Variants in FTCDNL1 observed in about 807,000 individuals in gnomAD.
The protein encoded by FTCDNL1 is formiminotransferase cyclodeaminase N-terminal like.
In FTCDNL1, 11 loss-of-function variants were observed where a neutral mutation model predicts 5.9. That is an observed-to-expected ratio of 1.87 (90% confidence interval 1.18 to 3.10). The LOEUF (loss-of-function observed/expected upper bound fraction) is 3.10. Among genes scored for constraint, FTCDNL1 ranks in the 30% most tolerant of loss-of-function variants. The pLI is 0.00. For synonymous variants in FTCDNL1, 58 were observed against 24.8 expected (o/e 2.34, Z -3.99); for missense variants, 115 against 65.5 (o/e 1.76, Z -2.61).
At chr2:199,739,645 C>G in the FTCDNL1 span, among the ~76,000 whole-genome samples, 1 of 152,106 alleles carries the variant, frequency 6.6e-6, no homozygotes, top group African/African-American at 2.4e-5. Flanking sequence ...ACAATCAAAA[C>G]CAAACCAAAA....
At chr2:199,743,502 C>T in the FTCDNL1 span, among the ~76,000 whole-genome samples, 2 of 152,146 alleles carry the variant, frequency 1.3e-5, no homozygotes, top group African/African-American at 2.4e-5. Context: ...ATTCATTGAA[C>T]GTTTCTGCAC....
the FTCDNL1 span, among the ~76,000 whole-genome samples, chr2:199,743,613 C>T: frequency 5.3e-5 from 8 of 152,002 alleles, no homozygotes; most frequent in African/African-American, 9.7e-5. Context: ...GGCGTTTCTC[C>T]TGAGACTACA....
intron 3 of FTCDNL1, among the ~76,000 whole-genome samples, chr2:199,832,305 C>T (rs1354016825): frequency 6.6e-6 from 1 of 152,076 alleles, no homozygotes; most frequent in African/African-American, 2.4e-5. Flanking sequence ...GTGGTGCTTT[C>T]TAATAGCTTC....
chr2:199,725,077 C>CAT, the FTCDNL1 span, among the ~76,000 whole-genome samples: 6 of 151,986 alleles, frequency 3.9e-5, no homozygotes, highest in East Asian at 1.9e-4. Context: ...GTATTGGATG[C>CAT]ATATATATAT....
At chr2:199,829,192 AT>A (rs1053643404) in intron 3 of FTCDNL1, among the ~76,000 whole-genome samples, 66 of 151,986 alleles carry the variant, frequency 4.3e-4, no homozygotes, top group Middle Eastern at 3.4e-3. Context: ...TTTTTAGGTT[AT>A]TTTTTTCCCC....
chr2:199,769,446 T>C (rs957185101), intron 3 of FTCDNL1, among the ~76,000 whole-genome samples: 6 of 151,316 alleles, frequency 4.0e-5, no homozygotes, highest in Middle Eastern at 3.4e-3. Context: ...GACATGACTT[T>C]GCTCCTCATC....
the FTCDNL1 span, among the ~76,000 whole-genome samples, chr2:199,681,056 T>C: frequency 6.6e-6 from 1 of 152,204 alleles, no homozygotes; most frequent in East Asian, 1.9e-4. Flanking sequence ...AATTGCTTTG[T>C]TATTGAGAAT....
At chr2:199,823,925 T>C (rs925318891) in intron 3 of FTCDNL1, among the ~76,000 whole-genome samples, 9 of 152,240 alleles carry the variant, frequency 5.9e-5, no homozygotes, top group African/African-American at 9.6e-5. Context: ...CTTCTTCCAA[T>C]AGAATGTTGT....
the FTCDNL1 span, among the ~76,000 whole-genome samples, chr2:199,693,725 G>A: frequency 4.6e-5 from 7 of 152,154 alleles, no homozygotes; most frequent in Admixed American, 1.3e-4. Context: ...GGGATGCTGA[G>A]CAGAGGAAAT....
chr2:199,816,324 T>A (rs1328844036), intron 4 of FTCDNL1, among the ~76,000 whole-genome samples: 1 of 152,142 alleles, frequency 6.6e-6, no homozygotes, highest in African/African-American at 2.4e-5. Context: ...TGGCTACCAG[T>A]GAAAAAAGGC....
intron 3 of FTCDNL1, among the ~76,000 whole-genome samples, chr2:199,766,151 A>C (rs2106265220): frequency 6.6e-6 from 1 of 152,354 alleles, no homozygotes; most frequent in Non-Finnish European, 1.5e-5. Context: ...AGTGCTCTCA[A>C]TGCAATAAAG....
intron 3 of FTCDNL1, among the ~76,000 whole-genome samples, chr2:199,766,372 A>G (rs1319948268): frequency 6.6e-6 from 1 of 152,196 alleles, no homozygotes; most frequent in Non-Finnish European, 1.5e-5. Flanking sequence ...AGACATCATC[A>G]TAGCCTTCCC....
In FTCDNL1 at chr2:199,829,843, A is replaced by G. The variant is rs532618076; in HGVS notation, c.212-10086T>C. 3.3e-5 allele frequency among the ~76,000 whole-genome samples: 5 copies of G among 152,324 alleles called. No homozygotes were observed. In the South Asian group the frequency reaches 1.0e-3, roughly 32 times the overall value. On this transcript the variant is annotated intron_variant, in intron 3 of 4. Transcript: ENST00000420128. Reference sequence around the variant, plus strand: ...CCAAAATGCAGAACTTAGAAAAAAGACCTCAAGTCTGTCATTCCCTTTCCT... The same window carrying G: ...CCAAAATGCAGAACTTAGAAAAAAGGCCTCAAGTCTGTCATTCCCTTTCCT...
chr2:199,755,021 C>T, the FTCDNL1 span, among the ~76,000 whole-genome samples: 3 of 152,072 alleles, frequency 2.0e-5, no homozygotes, highest in Non-Finnish European at 4.4e-5. Context: ...AGTTAAAGGA[C>T]CCAAGTTTTA....
Position 199,851,134 on chromosome 2 carries a change from G to T in FTCDNL1, c.-402C>A, listed in dbSNP as rs1210810666. 1 of 137,666 alleles carries T rather than the reference G, an allele frequency of 7.3e-6. No individual in the cohort carries two copies. The highest frequency in any genetic ancestry group is 1.5e-5 in the Non-Finnish European group (1 of 65,298). The allele number at this position is 137,666 out of a possible 1,614,324, so 8.5% of individuals were successfully genotyped here. On this transcript the variant is annotated 5_prime_UTR_variant, in exon 1 of 5. Transcript: ENST00000420128. ...CCAGCCCAAGTCGCCGCCGCGCGTG[G>T]CCCGCGCGCAGCCTCCGCCGCCGCG...
chr2:199,822,345 A>G (rs1024924432), intron 3 of FTCDNL1, among the ~76,000 whole-genome samples: 1 of 152,172 alleles, frequency 6.6e-6, no homozygotes, highest in African/African-American at 2.4e-5. Context: ...TCAAGGCTGC[A>G]ATGAGCTGAG....
the FTCDNL1 span, among the ~76,000 whole-genome samples, chr2:199,721,568 T>C: frequency 6.6e-6 from 1 of 152,228 alleles, no homozygotes; most frequent in African/African-American, 2.4e-5. Context: ...CGATTGTGAA[T>C]AGTACTACAA....
intron 4 of FTCDNL1, chr2:199,819,206 T>C: frequency 5.2e-6 from 1 of 192,946 alleles, no homozygotes; most frequent in Non-Finnish European, 1.1e-5. Context: ...GTCCTCCCTC[T>C]CCAGGTGTCT....
chr2:199,766,800 C>T (rs1343688682), intron 3 of FTCDNL1, among the ~76,000 whole-genome samples: 2 of 151,948 alleles, frequency 1.3e-5, no homozygotes, highest in Non-Finnish European at 2.9e-5. Flanking sequence ...GATTTAATTG[C>T]CCTAGTATTG....
Sources: gnomAD v4.1 joint callset for allele counts (sites outside exome capture counted in the v4.1 genomes callset) on GRCh38, gnomAD v4.1.1 for gene constraint, MANE v1.5 for transcripts, NCBI Gene and HGNC (gene_info 2026-07-23, HGNC 2026-07-21) for gene names.